ZNF721: variants seen among roughly 807,000 people sequenced by gnomAD.
The protein encoded by ZNF721 is zinc finger protein 721.
ZNF721 carries 2 observed loss-of-function variants against 2.4 expected under a neutral mutation model. The ratio of observed to expected loss-of-function variants is 0.82; its 90% confidence interval spans 0.34 to 2.58. The LOEUF (loss-of-function observed/expected upper bound fraction) is 2.58, where lower values mean the gene tolerates loss of function less well. ZNF721 is among the 30% of genes most tolerant of loss of function. The probability of loss-of-function intolerance (pLI) is 0.11; values close to 1 mark genes in which losing one functional copy is unlikely to be tolerated. For missense variants in ZNF721, 1,187 were observed against 1,085.5 expected, an observed-to-expected ratio of 1.09 and a Z score of -1.31; for synonymous variants, 398 against 381.8, an observed-to-expected ratio of 1.04 and a Z score of -0.50.
chr4:476,734 C>T (rs1277015599), intron 1 of ZNF721, among the ~76,000 whole-genome samples: 1 of 152,224 alleles, frequency 6.6e-6, no homozygotes, highest in South Asian at 2.1e-4. Flanking sequence ...GAAACCACTG[C>T]TCCAACTCTA....
At chr4:474,743 G>C (rs1006366081) in intron 1 of ZNF721, among the ~76,000 whole-genome samples, 3 of 151,948 alleles carry the variant, frequency 2.0e-5, no homozygotes, top group Admixed American at 2.0e-4. Context: ...AGGCATGGTG[G>C]TGGGCGCCTG....
chr4:492,188 CAAAAAAAA>C, intron 1 of ZNF721, among the ~76,000 whole-genome samples: 1 of 146,174 alleles, frequency 6.8e-6, no homozygotes, highest in African/African-American at 2.5e-5. Flanking sequence ...AACAAACAAA[CAAAAAAAA>C]AACCTTAAAT....
chr4:484,348 G>A (rs1715840482), intron 1 of ZNF721, among the ~76,000 whole-genome samples: 1 of 152,144 alleles, frequency 6.6e-6, no homozygotes. Context: ...GTGTGTTTGA[G>A]CAATATGAAA....
chr4:487,977 G>C (rs1576973041), intron 1 of ZNF721, among the ~76,000 whole-genome samples: 1 of 152,342 alleles, frequency 6.6e-6, no homozygotes, highest in East Asian at 1.9e-4. Flanking sequence ...GCCAAGCACA[G>C]ACCATGCCTT....
intron 2 of ZNF721, among the ~76,000 whole-genome samples, chr4:462,817 C>T (rs1553866265): frequency 6.6e-6 from 1 of 152,106 alleles, no homozygotes; most frequent in African/African-American, 2.4e-5. Context: ...AAAACCTAGG[C>T]AATACCATTC....
At chr4:485,263 T>A (rs1240851160) in intron 1 of ZNF721, among the ~76,000 whole-genome samples, 20 of 152,238 alleles carry the variant, frequency 1.3e-4, no homozygotes, top group African/African-American at 4.6e-4. Flanking sequence ...CCCTGACCCT[T>A]GGGAGTCCCC....
rs1560226208 is a variant in ZNF721 at position 445,521 on chromosome 4, C to T, written c.35-1089G>A. On this transcript the variant is annotated intron_variant, in intron 2 of 2. Transcript: ENST00000511833. ...ACAATGTATACAAAATATTAGAACA[C>T]ATTATAATGATTTTAAAATTTTCAG... Among the ~76,000 whole-genome samples the T allele has an allele frequency of 2.6e-5, 4 of 151,928 alleles. No homozygotes were observed. The South Asian group carries it at 6.2e-4, about 24-fold the overall frequency.
intron 1 of ZNF721, among the ~76,000 whole-genome samples, chr4:480,235 G>A (rs1391261166): frequency 6.6e-6 from 1 of 152,158 alleles, no homozygotes; most frequent in Non-Finnish European, 1.5e-5. Flanking sequence ...GGCTTGTGCT[G>A]AAGGTTGTTT....
chr4:458,670 A>AC (rs1333623264), intron 2 of ZNF721, among the ~76,000 whole-genome samples: 1 of 152,128 alleles, frequency 6.6e-6, no homozygotes, highest in African/African-American at 2.4e-5. Context: ...ACATGGCAAG[A>AC]CCCCATCTCT....
chr4:472,617 T>C lies in ZNF721; in HGVS notation c.-9A>G, dbSNP rs1197007701. 1 of 1,613,760 alleles carries C rather than the reference T, an allele frequency of 6.2e-7. No individual in the cohort carries two copies. The highest frequency in any genetic ancestry group is 8.5e-7 in the Non-Finnish European group (1 of 1,179,844). ...CTGTAGTTCTCCAACATCACATCTC[T>C]ATACAAATTCTGCTGGGCAGGGTCC... On this transcript the variant is annotated 5_prime_UTR_variant, in exon 2 of 3. The change creates a new upstream start codon in the 5' untranslated region. Coordinates refer to ENST00000511833, the MANE Select transcript of ZNF721 (RefSeq NM_133474.4).
chr4:448,683 A>C (rs2108692150), intron 2 of ZNF721, among the ~76,000 whole-genome samples: 1 of 152,300 alleles, frequency 6.6e-6, no homozygotes, highest in Non-Finnish European at 1.5e-5. Flanking sequence ...ACAGCTCCTG[A>C]TTTCAAAACA....
intron 2 of ZNF721, among the ~76,000 whole-genome samples, chr4:451,533 G>C (rs1402983196): frequency 6.6e-6 from 1 of 152,156 alleles, no homozygotes; most frequent in Non-Finnish European, 1.5e-5. Flanking sequence ...CCAGGCTGTT[G>C]CTTCCCAGTC....
intron 2 of ZNF721, among the ~76,000 whole-genome samples, chr4:452,220 C>T (rs1165649996): frequency 6.6e-5 from 10 of 152,116 alleles, no homozygotes; most frequent in African/African-American, 1.9e-4. Flanking sequence ...AAGAACTAGT[C>T]GGCTGGGGCT....
chr4:475,571 T>C (rs1446002419), intron 1 of ZNF721, among the ~76,000 whole-genome samples: 1 of 152,134 alleles, frequency 6.6e-6, no homozygotes, highest in East Asian at 1.9e-4. Flanking sequence ...ATCACCTTCA[T>C]ATGCACTAAT....
In ZNF721 at chr4:441,720, G is replaced by A. The variant is rs1553863120; in HGVS notation, c.2747C>T (p.Thr916Ile). ...ANLYAHKKIHTGDKTIQV is the reference protein window; with the variant it reads ...ANLYAHKKIHIGDKTIQV ...TTACACTTGTATGGTTTTATCTCCA[G>A]TATGAATTTTCTTATGTGCATAAAG... The change falls in exon 3 of 3, where the codon ACT (threonine) becomes ATT (isoleucine). Residue 916 changes from threonine to isoleucine, a missense_variant. Physicochemically the swap from Thr to Ile is moderately conservative, Grantham distance 89. Coordinates refer to ENST00000511833, the MANE Select transcript of ZNF721 (RefSeq NM_133474.4). 8 of 1,611,230 alleles carry A rather than the reference G, an allele frequency of 5.0e-6. No individual in the cohort carries two copies. The highest frequency in any genetic ancestry group is 5.9e-6 in the Non-Finnish European group (7 of 1,178,346).
At chr4:485,820 C>G (rs1250975686) in intron 1 of ZNF721, among the ~76,000 whole-genome samples, 1 of 152,068 alleles carries the variant, frequency 6.6e-6, no homozygotes, top group Non-Finnish European at 1.5e-5. Context: ...ACTAAAAATA[C>G]AAAAACTATC....
At position 443,118 on chromosome 4, in the gene ZNF721, CA is replaced by C. The variant is rs782519760; in HGVS notation, c.1348del (p.Cys450ValfsTer11). ...TGDKPYKCKE[C>X]GKAFIHSLHL... ...CAAGGAATGTATAAAGGCTTTCCCA[CA>C]TTCTTTACATTTGTAGGGTTTATCT... On this transcript the variant is annotated frameshift_variant, in exon 3 of 3. Transcript: ENST00000511833. LOFTEE classifies it low-confidence loss of function (END_TRUNC). 84 of 1,613,804 alleles carry C rather than the reference CA, an allele frequency of 5.2e-5. No individual in the cohort carries two copies. Among genetic ancestry groups the C allele is most frequent in the Admixed American group, 2.7e-4 (16 of 60,004 alleles).
At chr4:474,227 G>A in intron 1 of ZNF721, 1 of 383,926 alleles carries the variant, frequency 2.6e-6, no homozygotes, top group Admixed American at 3.6e-5. Flanking sequence ...CAAGCGCTCT[G>A]ATTGGATATG....
chr4:446,674 C>G (rs1714484531), intron 2 of ZNF721, among the ~76,000 whole-genome samples: 1 of 151,594 alleles, frequency 6.6e-6, no homozygotes, highest in Admixed American at 6.6e-5. Context: ...CCACCACACC[C>G]AACCCCGAAT....
Sources: allele counts gnomAD v4.1 joint callset (sites outside exome capture counted in the v4.1 genomes callset), GRCh38; gene constraint gnomAD v4.1.1; transcripts MANE v1.5; gene names NCBI Gene and HGNC (gene_info 2026-07-23, HGNC 2026-07-21).